NAALADL2: variants seen among roughly 807,000 people sequenced by gnomAD.
NAALADL2 encodes the protein N-acetylated alpha-linked acidic dipeptidase like 2, also known as inactive N-acetylated-alpha-linked acidic dipeptidase-like protein 2.
NAALADL2 carries 76 observed loss-of-function variants against 87.2 expected under a neutral mutation model. That is an observed-to-expected ratio of 0.87 (90% CI 0.72 to 1.05). The LOEUF (loss-of-function observed/expected upper bound fraction) is 1.05. Ranked by LOEUF, NAALADL2 falls within the 50% of genes least tolerant of loss-of-function variation. The probability of loss-of-function intolerance (pLI) is 0.00; values close to 1 mark genes in which losing one functional copy is unlikely to be tolerated. For missense variants in NAALADL2, 1,089 were observed against 945.8 expected, an observed-to-expected ratio of 1.15 and a Z score of -1.99; for synonymous variants, 354 against 331.0, an observed-to-expected ratio of 1.07 and a Z score of -0.75.
At chr3:174,745,153 C>T (rs1734127155) in intron 3 of NAALADL2, among the ~76,000 whole-genome samples, 1 of 151,798 alleles carries the variant, frequency 6.6e-6, no homozygotes, top group Non-Finnish European at 1.5e-5. Flanking sequence ...ATCAACGAGT[C>T]CAGGAGCTGG....
rs74623876 is a variant in NAALADL2 at position 175,348,869 on chromosome 3, T to C, written c.1090+24544T>C. Among the ~76,000 whole-genome samples, 174 of 152,304 alleles carry C rather than the reference T, an allele frequency of 1.1e-3. 6 individuals are homozygous for C. The East Asian group carries it at 0.031, about 28-fold the overall frequency. ...TTCAATCCGTTATAACGTGTATCTATTTTTAATTGAATTTTTGCATGATTA... is the reference window on the plus strand; with the variant it reads ...TTCAATCCGTTATAACGTGTATCTACTTTTAATTGAATTTTTGCATGATTA... On this transcript the variant is annotated intron_variant, in intron 5 of 13. Transcript: ENST00000454872.
intron 4 of NAALADL2, among the ~76,000 whole-genome samples, chr3:175,283,629 T>C (rs1754600965): frequency 6.6e-6 from 1 of 152,096 alleles, no homozygotes; most frequent in Non-Finnish European, 1.5e-5. Flanking sequence ...AAAGTTATGG[T>C]AAAGCCTCAC....
chr3:174,981,658 G>C (rs567970371), intron 1 of NAALADL2, among the ~76,000 whole-genome samples: 1 of 152,028 alleles, frequency 6.6e-6, no homozygotes. Context: ...AGTCTGCGTC[G>C]CTTCGGATCA....
chr3:175,221,198 TAAA>T (rs368539591), intron 2 of NAALADL2, among the ~76,000 whole-genome samples: 1 of 135,846 alleles, frequency 7.4e-6, no homozygotes, highest in Middle Eastern at 3.5e-3. Flanking sequence ...GACTCCGTTT[TAAA>T]AAAAAAAAAA....
At chr3:175,693,982 C>A (rs187150863) in intron 11 of NAALADL2, among the ~76,000 whole-genome samples, 3 of 152,154 alleles carry the variant, frequency 2.0e-5, no homozygotes, top group Non-Finnish European at 4.4e-5. Context: ...CATGAGCCAC[C>A]GTGCCTGGCC....
intron 3 of NAALADL2, among the ~76,000 whole-genome samples, chr3:174,738,512 G>A (rs1266471558): frequency 6.6e-6 from 1 of 152,174 alleles, no homozygotes; most frequent in African/African-American, 2.4e-5. Flanking sequence ...GTGGCTGGGT[G>A]TGAGACAGTA....
chr3:175,470,601 A>G (rs1724715509), intron 8 of NAALADL2, among the ~76,000 whole-genome samples: 1 of 152,130 alleles, frequency 6.6e-6, no homozygotes, highest in South Asian at 2.1e-4. Flanking sequence ...ATACTTTCCC[A>G]AGTTATGACA....
At chr3:175,695,439 T>A (rs116313362) in intron 11 of NAALADL2, among the ~76,000 whole-genome samples, 4,369 of 152,290 alleles carry the variant, frequency 0.029, 202 homozygotes, top group African/African-American at 0.1. Flanking sequence ...ATTCTGTTGC[T>A]AAAGTTTATT....
intron 2 of NAALADL2, among the ~76,000 whole-genome samples, chr3:175,208,564 G>A (rs934807438): frequency 5.3e-5 from 8 of 152,090 alleles, no homozygotes; most frequent in African/African-American, 1.4e-4. Flanking sequence ...ACTCTGTTAC[G>A]AAGTGGATTG....
intron 9 of NAALADL2, among the ~76,000 whole-genome samples, chr3:175,538,641 T>G (rs749933083): frequency 6.6e-6 from 1 of 152,186 alleles, no homozygotes; most frequent in African/African-American, 2.4e-5. Context: ...CCATTCATAT[T>G]TTTGATATAA....
intron 11 of NAALADL2, among the ~76,000 whole-genome samples, chr3:175,719,755 G>A (rs1458394346): frequency 6.6e-6 from 1 of 152,122 alleles, no homozygotes; most frequent in Non-Finnish European, 1.5e-5. Flanking sequence ...GTACCAAAAT[G>A]CTATAAACTC....
chr3:175,560,140 T>A (rs1200668215), intron 9 of NAALADL2, among the ~76,000 whole-genome samples: 1 of 152,194 alleles, frequency 6.6e-6, no homozygotes, highest in Non-Finnish European at 1.5e-5. Context: ...TGTTTTTGAA[T>A]TTCTTCATGA....
At chr3:174,831,294 T>C (rs1579110824) in intron 3 of NAALADL2, among the ~76,000 whole-genome samples, 1 of 149,296 alleles carries the variant, frequency 6.7e-6, no homozygotes, top group Non-Finnish European at 1.5e-5. Flanking sequence ...CAATACCTAA[T>C]TTATTGAGAG....
At chr3:175,674,606 C>A (rs1734510236) in intron 11 of NAALADL2, among the ~76,000 whole-genome samples, 1 of 152,058 alleles carries the variant, frequency 6.6e-6, no homozygotes, top group African/African-American at 2.4e-5. Context: ...TACTTACCAC[C>A]AGTTTTACTA....
intron 13 of NAALADL2, among the ~76,000 whole-genome samples, chr3:175,758,200 G>T (rs1165027974): frequency 1.3e-5 from 2 of 152,078 alleles, no homozygotes; most frequent in Middle Eastern, 3.4e-3. Context: ...TGTAATTACA[G>T]TATACCTTGT....
At chr3:175,609,498 A>G (rs1239317608) in intron 10 of NAALADL2, 1 of 152,052 alleles carries the variant, frequency 6.6e-6, no homozygotes, top group East Asian at 1.9e-4. Flanking sequence ...CAGTGGCAGT[A>G]TCGTAGCCAA....
chr3:174,995,233 A>G (rs1192980942), intron 1 of NAALADL2, among the ~76,000 whole-genome samples: 1 of 152,130 alleles, frequency 6.6e-6, no homozygotes, highest in Non-Finnish European at 1.5e-5. Context: ...CACAATGTAG[A>G]CTAATCTACA....
chr3:175,725,505 A>G (rs753047856), intron 11 of NAALADL2, among the ~76,000 whole-genome samples: 46 of 152,124 alleles, frequency 3.0e-4, no homozygotes, highest in Non-Finnish European at 6.5e-4. Context: ...TGGTAGGATC[A>G]CTTGCTCAGG....
At chr3:175,090,930 T>C (rs930577490) in intron 1 of NAALADL2, among the ~76,000 whole-genome samples, 4 of 151,652 alleles carry the variant, frequency 2.6e-5, no homozygotes, top group East Asian at 1.9e-4. Flanking sequence ...CATTTACAGA[T>C]ACTATAGCAG....
Sources: gnomAD v4.1 joint callset for allele counts (sites outside exome capture counted in the v4.1 genomes callset) on GRCh38, gnomAD v4.1.1 for gene constraint, MANE v1.5 for transcripts, NCBI Gene and HGNC (gene_info 2026-07-23, HGNC 2026-07-21) for gene names.